ATM: variants seen among roughly 807,000 people sequenced by gnomAD.
ATM encodes the protein serine-protein kinase ATM.
Under a neutral mutation model 387.0 loss-of-function variants are expected in ATM, and 308 were observed. The observed-to-expected ratio is 0.80, with a 90% CI of 0.73 to 0.87. The LOEUF (loss-of-function observed/expected upper bound fraction) is 0.87. Ranked by LOEUF, ATM falls within the 40% of genes least tolerant of loss-of-function variation. The pLI is 0.00. For missense variants in ATM, 3,312 were observed against 3,560.9 expected, an observed-to-expected ratio of 0.93 and a Z score of 1.78; for synonymous variants, 1,156 against 1,187.3, an observed-to-expected ratio of 0.97 and a Z score of 0.54.
At chr11:108,257,863 G>T (rs1439553131) in intron 15 of ATM, among the ~76,000 whole-genome samples, 1 of 152,124 alleles carries the variant, frequency 6.6e-6, no homozygotes, top group Non-Finnish European at 1.5e-5. Flanking sequence ...CCACTCGTAA[G>T]TTTATTTTTT....
At chr11:108,237,778 A>T (rs2135149899) in intron 5 of ATM, among the ~76,000 whole-genome samples, 1 of 152,242 alleles carries the variant, frequency 6.6e-6, no homozygotes, top group East Asian at 1.9e-4. Flanking sequence ...TCTACAAAAG[A>T]TCTTGCTGGG....
intron 49 of ATM, 162 bp downstream of exon 49, chr11:108,329,400 G>GTTTTTGT (rs2086024263): frequency 1.4e-6 from 1 of 708,172 alleles, no homozygotes; most frequent in Non-Finnish European, 2.3e-6. Context: ...GTTCTTTTCG[G>GTTTTTGT]TTTTTGTTTT....
At chr11:108,305,399 G>GTGA (rs1189046390) in intron 37 of ATM, among the ~76,000 whole-genome samples, 1 of 152,100 alleles carries the variant, frequency 6.6e-6, no homozygotes, top group Non-Finnish European at 1.5e-5. Flanking sequence ...GGCCAACGTG[G>GTGA]TGAAACCCCG....
At chr11:108,319,061 CA>C (rs2084996300) in intron 43 of ATM, among the ~76,000 whole-genome samples, 1 of 151,874 alleles carries the variant, frequency 6.6e-6, no homozygotes, top group Admixed American at 6.6e-5. Context: ...TCTGTAGTCC[CA>C]GCTGCTTGGG....
intron 14 of ATM, among the ~76,000 whole-genome samples, chr11:108,256,804 G>A (rs548487989): frequency 2.6e-5 from 4 of 152,258 alleles, no homozygotes; most frequent in African/African-American, 7.2e-5. Context: ...TGCTGGGAAT[G>A]ATGGTTTCCA....
At position 108,253,833 on chromosome 11, in the gene ATM, AAAG is replaced by A. The variant is rs876659575; in HGVS notation, c.1924_1926del (p.Glu642del). On this transcript the variant is annotated inframe_deletion, in exon 13 of 63. Coordinates refer to ENST00000675843, the MANE Select transcript of ATM (RefSeq NM_000051.4). ...TTGAAGTGAACACCACCAAAAAGAT[AAAG>A]AAGAACTTTCATTCTCAGAAGTAGA... is the stretch of plus-strand genomic sequence containing the variant. 8.1e-6 allele frequency: 13 copies of A among 1,613,598 alleles called. No individual in the cohort carries two copies. In the African/African-American group the frequency reaches 1.2e-4, roughly 15 times the overall value.
At chr11:108,244,759 C>A (rs2135235775) in intron 6 of ATM, 29 bp from the exon 7 acceptor site, 1 of 1,540,462 alleles carries the variant, frequency 6.5e-7, no homozygotes, top group Non-Finnish European at 9.0e-7. Flanking sequence ...CCCTGTTATA[C>A]CCAGTTGAGC....
intron 31 of ATM, 42 bp from the exon 32 acceptor site, chr11:108,294,885 T>A: frequency 1.2e-6 from 2 of 1,610,396 alleles, no homozygotes; most frequent in African/African-American, 2.7e-5. Flanking sequence ...TTCACAGGCT[T>A]AACCAATACG....
rs752849892 is a variant in ATM, at chr11:108,272,787, A to G, written c.3219A>G (p.Val1073=). The G allele has an allele frequency of 1.4e-5, 23 of 1,613,980 alleles. No homozygotes were observed. Among genetic ancestry groups the G allele is most frequent in the Non-Finnish European group, 1.6e-5 (19 of 1,180,002 alleles). Residue 1073 remains valine, a synonymous_variant, in exon 22 of 63, where the codon GTA becomes GTG. Transcript: ENST00000675843. ...GAAAAGACTTTCCTGTAAATGAAGT[A>G]TTTACACAATTTCTTGCTGACAATC... The part of the protein sequence containing the change: ...VMGKDFPVNE[V]FTQFLADNHH...
rs2137021914 is a variant in ATM at position 108,345,727 on chromosome 11, T to C, written c.8419-16T>C. ...CACAATATTGAAAAATAATTATATA[T>C]ATTCTCTATTTAAAGGAGGTGCAAA... On this transcript the variant is annotated splice_polypyrimidine_tract_variant and intron_variant, in intron 57 of 62. Transcript: ENST00000675843. 3 of 1,540,510 alleles carry C rather than the reference T, an allele frequency of 1.9e-6. No individual in the cohort carries two copies. Among genetic ancestry groups the C allele is most frequent in the Non-Finnish European group, 1.8e-6 (2 of 1,124,074 alleles).
At position 108,343,384 on chromosome 11, in the gene ATM, C is replaced by T. The variant is rs372552946; in HGVS notation, c.8418+13C>T. 64 of 1,613,262 alleles carry T rather than the reference C, an allele frequency of 4.0e-5. No individual in the cohort carries two copies. The African/African-American group carries it at 8.5e-4, about 22-fold the overall frequency. Reference sequence around the variant, plus strand: ...AAAGAAAATGATGGTGAGTGACACCCAAAATTAAAGGTTATTGTAAGATTA... The same window carrying T: ...AAAGAAAATGATGGTGAGTGACACCTAAAATTAAAGGTTATTGTAAGATTA... On this transcript the variant is annotated intron_variant, in intron 57 of 62. Transcript: ENST00000675843.
At position 108,331,869 on chromosome 11, in the gene ATM, T is replaced by C; in HGVS notation, c.7630-10T>C. On this transcript the variant is annotated splice_polypyrimidine_tract_variant and intron_variant, in intron 51 of 62. Transcript: ENST00000675843. ...TTATTTGCATAAATCTAATAGTTCT[T>C]TTCTTACAGCTAATCTCTAGAATTT... is the stretch of plus-strand genomic sequence containing the variant. The C allele has an allele frequency of 6.2e-7, 1 of 1,612,998 alleles. No individual in the cohort carries two copies. Among genetic ancestry groups the C allele is most frequent in the South Asian group, 1.1e-5 (1 of 91,054 alleles).
At chr11:108,299,912 T>A (rs752910157) in intron 34 of ATM, 27 bp downstream of exon 34, 2 of 1,579,172 alleles carry the variant, frequency 1.3e-6, no homozygotes, top group East Asian at 4.5e-5. Context: ...ACCTTATATG[T>A]AATCTCAATA....
chr11:108,332,687 C>A, intron 52 of ATM, 75 bp from the exon 53 acceptor site: 1 of 1,496,066 alleles, frequency 6.7e-7, no homozygotes. Flanking sequence ...CTGTTTTTCT[C>A]TTTGTTTTTC....
At chr11:108,334,865 T>G in intron 54 of ATM, 104 bp from the exon 55 acceptor site, 2 of 1,358,208 alleles carry the variant, frequency 1.5e-6, no homozygotes, top group Non-Finnish European at 2.1e-6. Context: ...CACATCGTCA[T>G]TTGTTTCTCT....
At chr11:108,333,994 T>G in intron 54 of ATM, 26 bp downstream of exon 54, 1 of 1,548,030 alleles carries the variant, frequency 6.5e-7, no homozygotes, top group Non-Finnish European at 8.9e-7. Flanking sequence ...CTCTTGATTT[T>G]TTTTAAACTA....
intron 57 of ATM, among the ~76,000 whole-genome samples, chr11:108,343,806 A>G (rs1247407002): frequency 6.6e-6 from 1 of 152,150 alleles, no homozygotes; most frequent in Non-Finnish European, 1.5e-5. Flanking sequence ...GTAAACAACA[A>G]CAACAACAAG....
At chr11:108,328,943 ATTACC>A in intron 48 of ATM, 73 bp from the exon 49 acceptor site, 1 of 1,395,412 alleles carries the variant, frequency 7.2e-7, no homozygotes, top group Non-Finnish European at 1.0e-6. Context: ...ATTTTAGTGT[ATTACC>A]TTAATTTGAG....
At chr11:108,355,144 T>G in intron 61 of ATM, 1 of 460,732 alleles carries the variant, frequency 2.2e-6, no homozygotes, top group Non-Finnish European at 4.0e-6. Flanking sequence ...TCTTTGACAT[T>G]TAGATATTCC....
Sources: gnomAD v4.1 joint callset for allele counts (sites outside exome capture counted in the v4.1 genomes callset) on GRCh38, gnomAD v4.1.1 for gene constraint, MANE v1.5 for transcripts, NCBI Gene and HGNC (gene_info 2026-07-23, HGNC 2026-07-21) for gene names.